The following ZNF7 variants were observed in gnomAD, a reference collection of about 807,000 sequenced individuals.
The protein encoded by ZNF7 is C2-H2 type zinc finger protein.
A neutral mutation model predicts 12.0 loss-of-function variants in ZNF7; 10 were observed. That is an observed-to-expected ratio of 0.83 (90% confidence interval 0.51 to 1.42). ZNF7 has a LOEUF of 1.42. Among genes scored for constraint, ZNF7 ranks in the 40% most tolerant of loss-of-function variants. The pLI, the probability that ZNF7 is intolerant of heterozygous loss-of-function variation, is 0.00. For missense variants in ZNF7, 854 were observed against 837.2 expected, an observed-to-expected ratio of 1.02 and a Z score of -0.25; for synonymous variants, 334 against 295.0, an observed-to-expected ratio of 1.13 and a Z score of -1.35.
rs975123089 is a variant in ZNF7 at position 144,843,313 on chromosome 8, A to G, written c.*145A>G. The G allele has an allele frequency of 4.3e-4, 465 of 1,077,000 alleles. No individual in the cohort carries two copies. The highest frequency in any genetic ancestry group is 9.0e-4 in the Middle Eastern group (3 of 3,326). The allele number at this position is 1,077,000 out of a possible 1,614,324, so 66.7% of individuals were successfully genotyped here. ...CTCAAGAATATCCAACTTCAGGCCGAGTGTGGTGGCTTATGCCTGTCATCC... is the reference window on the plus strand; with the variant it reads ...CTCAAGAATATCCAACTTCAGGCCGGGTGTGGTGGCTTATGCCTGTCATCC... On this transcript the variant is annotated 3_prime_UTR_variant, in exon 5 of 5. Coordinates refer to ENST00000532777, the MANE Select transcript of ZNF7 (RefSeq NM_003416.4).
At chr8:144,828,904 G>A in intron 1 of ZNF7, 139 bp from the exon 2 acceptor site, 1 of 1,100,720 alleles carries the variant, frequency 9.1e-7, no homozygotes, top group Non-Finnish European at 1.3e-6. Flanking sequence ...TGCCATGGCT[G>A]CTTCAGCCCA....
chr8:144,844,357 G>A (rs1266993922), downstream of ZNF7, among the ~76,000 whole-genome samples: 2 of 152,124 alleles, frequency 1.3e-5, no homozygotes, highest in East Asian at 3.9e-4. Flanking sequence ...TGGCCTAGTT[G>A]CCCCACTTTT....
intron 4 of ZNF7, chr8:144,838,996 G>A (rs934340888): frequency 6.9e-6 from 1 of 144,924 alleles, no homozygotes; most frequent in African/African-American, 2.5e-5. Flanking sequence ...ATTCATATGC[G>A]CCTAGGGGCT....
intron 3 of ZNF7, 150 bp from the exon 4 acceptor site, chr8:144,837,241 C>T: frequency 1.7e-6 from 1 of 593,902 alleles, no homozygotes; most frequent in East Asian, 2.6e-5. Context: ...CCCAGATTCT[C>T]CCCACCCTCC....
At chr8:144,845,366 G>A (rs1586853409), downstream of ZNF7, among the ~76,000 whole-genome samples, 1 of 152,062 alleles carries the variant, frequency 6.6e-6, no homozygotes, top group East Asian at 1.9e-4. Context: ...GGGAGCTGGG[G>A]GGCCATTACC....
rs529555960 is a variant in ZNF7, at chr8:144,843,412, C to T, written c.*244C>T. On this transcript the variant is annotated 3_prime_UTR_variant, in exon 5 of 5. Transcript: ENST00000532777. ...AGACCATCCTGGGTAACAGGTGAAACCCCATCTCTACTAAAAATACAAAAA... is the reference window on the plus strand; with the variant it reads ...AGACCATCCTGGGTAACAGGTGAAATCCCATCTCTACTAAAAATACAAAAA... 4 of 386,092 alleles carry T rather than the reference C, an allele frequency of 1.0e-5. No homozygotes were observed. The Admixed American group carries it at 1.3e-4, about 12-fold the overall frequency. 23.9% of individuals were successfully genotyped at this position (386,092 alleles called of 1,614,324 possible).
At chr8:144,838,017 C>G in intron 4 of ZNF7, 1 of 698,834 alleles carries the variant, frequency 1.4e-6, no homozygotes, top group East Asian at 2.7e-5. Flanking sequence ...GCTGTGGAGG[C>G]CGGAAATCTG....
Position 144,837,510 on chromosome 8 carries a change from G to A in ZNF7, c.247+3G>A. ...GGCACCAAGGACCTCCAAGACAGGTGAGGCTTAGATCCCATCGCAGAGAAG... is the reference window on the plus strand; with the variant it reads ...GGCACCAAGGACCTCCAAGACAGGTAAGGCTTAGATCCCATCGCAGAGAAG... On this transcript the variant is annotated splice_donor_region_variant and intron_variant, in intron 4 of 4. Transcript: ENST00000532777. The A allele has an allele frequency of 6.2e-7, 1 of 1,605,202 alleles. No individual in the cohort carries two copies. The highest frequency in any genetic ancestry group is 8.5e-7 in the Non-Finnish European group (1 of 1,173,028).
intron 2 of ZNF7, 154 bp downstream of exon 2, chr8:144,829,244 G>A (rs1828150758): frequency 1.3e-6 from 2 of 1,542,290 alleles, no homozygotes; most frequent in South Asian, 2.4e-5. Context: ...GCAAACCCCT[G>A]CCCAAACCAG....
At chr8:144,844,709 C>CAAA (rs71320849), downstream of ZNF7, among the ~76,000 whole-genome samples, 7 of 88,642 alleles carry the variant, frequency 7.9e-5, no homozygotes, top group South Asian at 3.1e-4. Flanking sequence ...GACTCTGTAT[C>CAAA]AAAAAAAAAA....
Position 144,837,317 on chromosome 8 carries a change from C to G in ZNF7, c.131-74C>G. On this transcript the variant is annotated intron_variant, in intron 3 of 4. Coordinates refer to ENST00000532777, the MANE Select transcript of ZNF7 (RefSeq NM_003416.4). Reference sequence around the variant, plus strand: ...CCCCCTGCCCCTTTCCATTTGGAAACTGGGGAAGACTTAGCCCTGTGCTGC... The same window carrying G: ...CCCCCTGCCCCTTTCCATTTGGAAAGTGGGGAAGACTTAGCCCTGTGCTGC... 3 of 1,306,404 alleles carry G rather than the reference C, an allele frequency of 2.3e-6. No homozygotes were observed. In the South Asian group the frequency reaches 4.4e-5, roughly 19 times the overall value. The allele number at this position is 1,306,404 out of a possible 1,614,324, so 80.9% of individuals were successfully genotyped here. A position where few individuals can be genotyped will look rare whatever the true frequency, so the allele number is the denominator to read the frequency against.
chr8:144,837,274 T>TG (rs1383554975), intron 3 of ZNF7, 117 bp from the exon 4 acceptor site: 5 of 771,426 alleles, frequency 6.5e-6, no homozygotes, highest in Non-Finnish European at 1.0e-5. Flanking sequence ...TGCAGGAGCT[T>TG]GGCCTGTGCC....
At chr8:144,829,686 T>C in intron 3 of ZNF7, 82 bp downstream of exon 3, 1 of 1,518,340 alleles carries the variant, frequency 6.6e-7, no homozygotes, top group South Asian at 1.3e-5. Flanking sequence ...GGCTGGGGTA[T>C]GCAGGCCAAA....
intron 3 of ZNF7, among the ~76,000 whole-genome samples, chr8:144,831,580 G>A (rs1219426984): frequency 6.6e-6 from 1 of 151,810 alleles, no homozygotes; most frequent in African/African-American, 2.4e-5. Flanking sequence ...TCAGGAGATC[G>A]AGACCATCCT....
At position 144,842,660 on chromosome 8, in the gene ZNF7, T is replaced by C; in HGVS notation, c.1553T>C (p.Ile518Thr). Residue 518 changes from isoleucine to threonine, a missense_variant, in exon 5 of 5, where the codon ATC (isoleucine) becomes ACC (threonine). By Grantham distance (89) the Ile-to-Thr change is moderately conservative. Coordinates refer to ENST00000532777, the MANE Select transcript of ZNF7 (RefSeq NM_003416.4). ...QSSSLIYHQRIHKGEKPYECL... is the reference protein window; with the variant it reads ...QSSSLIYHQRTHKGEKPYECL... ...TCCAGCCTTATTTACCATCAGAGAA[T>C]CCATAAAGGAGAGAAGCCCTACGAA... 1.2e-6 allele frequency: 2 copies of C among 1,614,096 alleles called. No homozygotes were observed. Among genetic ancestry groups the C allele is most frequent in the East Asian group, 2.2e-5 (1 of 44,876 alleles).
chr8:144,841,927 G>A lies in ZNF7; in HGVS notation c.820G>A (p.Gly274Arg). The change falls in exon 5 of 5, where the codon GGA (glycine) becomes AGA (arginine). Residue 274 changes from glycine to arginine, a missense_variant. Coordinates refer to ENST00000532777, the MANE Select transcript of ZNF7 (RefSeq NM_003416.4). ...QLNQHQRIHT[G>R]EKPFKCTECG... ...TAATCAGCATCAGAGAATCCACACG[G>A]GAGAGAAACCCTTTAAATGCACTGA... 6.2e-7 allele frequency: 1 copy of A among 1,614,202 alleles called. No individual in the cohort carries two copies. Among genetic ancestry groups the A allele is most frequent in the Non-Finnish European group, 8.5e-7 (1 of 1,180,036 alleles).
chr8:144,841,151 C>T (rs889101688), intron 4 of ZNF7: 30 of 592,648 alleles, frequency 5.1e-5, no homozygotes, highest in African/African-American at 2.0e-4. Context: ...TCATTGCTAT[C>T]GAATGAGTGA....
rs752645345 is a variant in ZNF7, at chr8:144,841,970, G to C, written c.863G>C (p.Arg288Pro). ...FKCTECGKAF[R>P]LSSKLIQHQR... ...TGCACTGAGTGTGGAAAAGCCTTCCGCCTGAGCTCAAAACTTATTCAGCAT... is the reference window on the plus strand; with the variant it reads ...TGCACTGAGTGTGGAAAAGCCTTCCCCCTGAGCTCAAAACTTATTCAGCAT... The change falls in exon 5 of 5, where the codon CGC (arginine) becomes CCC (proline). Residue 288 changes from arginine to proline, a missense_variant. Coordinates refer to ENST00000532777, the MANE Select transcript of ZNF7 (RefSeq NM_003416.4). 1 of 1,614,152 alleles carries C rather than the reference G, an allele frequency of 6.2e-7. No homozygotes were observed.
At chr8:144,846,907 G>A (rs552250642), downstream of ZNF7, 7 of 152,112 alleles carry the variant, frequency 4.6e-5, no homozygotes, top group African/African-American at 1.7e-4. Context: ...CACTGTGTTA[G>A]CCAGCTGGTC....
Sources: allele counts gnomAD v4.1 joint callset (sites outside exome capture counted in the v4.1 genomes callset), GRCh38; gene constraint gnomAD v4.1.1; transcripts MANE v1.5; gene names NCBI Gene and HGNC (gene_info 2026-07-23, HGNC 2026-07-21).